The following ADGRL3 variants were observed in gnomAD, a reference collection of about 807,000 sequenced individuals.
The protein encoded by ADGRL3 is adhesion G protein-coupled receptor L3, also known as calcium-independent alpha-latrotoxin receptor 3.
A neutral mutation model predicts 153.5 loss-of-function variants in ADGRL3; 62 were observed. The ratio of observed to expected loss-of-function variants is 0.40; its 90% CI spans 0.33 to 0.50. The LOEUF (loss-of-function observed/expected upper bound fraction) is 0.50, where lower values mean the gene tolerates loss of function less well. Ranked by LOEUF, ADGRL3 falls within the 20% of genes least tolerant of loss-of-function variation. The pLI is 0.47. For synonymous variants in ADGRL3, 710 were observed against 672.5 expected (o/e 1.06, Z -0.86); for missense variants, 1,641 against 1,859.4 (o/e 0.88, Z 2.16).
intron 8 of ADGRL3, among the ~76,000 whole-genome samples, chr4:61,807,389 C>T (rs956248545): frequency 8.0e-5 from 12 of 150,468 alleles, no homozygotes; most frequent in South Asian, 2.1e-4. Flanking sequence ...ATATTTGAGA[C>T]GTCATGGAAT....
At chr4:61,591,483 G>C (rs770582194) in intron 5 of ADGRL3, among the ~76,000 whole-genome samples, 7 of 152,048 alleles carry the variant, frequency 4.6e-5, no homozygotes, top group African/African-American at 9.7e-5. Flanking sequence ...GCTAAAAAAT[G>C]AGTATTTAAA....
chr4:61,768,581 T>G (rs1157286398), intron 8 of ADGRL3, among the ~76,000 whole-genome samples: 1 of 152,082 alleles, frequency 6.6e-6, no homozygotes, highest in Non-Finnish European at 1.5e-5. Flanking sequence ...AAATTGAAAG[T>G]GCCGTTTTCT....
intron 2 of ADGRL3, among the ~76,000 whole-genome samples, chr4:61,444,670 G>C (rs2097562527): frequency 6.6e-6 from 1 of 152,008 alleles, no homozygotes; most frequent in African/African-American, 2.4e-5. Flanking sequence ...AATGTTGGTG[G>C]AATTACTTAT....
At chr4:62,013,816 A>G (rs554460988) in intron 21 of ADGRL3, among the ~76,000 whole-genome samples, 17 of 152,180 alleles carry the variant, frequency 1.1e-4, no homozygotes, top group African/African-American at 3.4e-4. Flanking sequence ...TGAACCCGGA[A>G]AGCGGAGGTT....
In ADGRL3 at chr4:61,585,991, A is replaced by C. The variant is rs1486302064; in HGVS notation, c.260-1236A>C. On this transcript the variant is annotated intron_variant, in intron 4 of 26. Transcript: ENST00000683033. ...CAAGCCATTCACAAATAAAAGCAAT[A>C]CAAAAGGTCAATAAACATATGAAAA... Among the ~76,000 whole-genome samples the C allele has an allele frequency of 2.6e-5, 4 of 152,058 alleles. No individual in the cohort carries two copies. In the East Asian group the frequency reaches 7.7e-4, roughly 29 times the overall value.
intron 1 of ADGRL3, among the ~76,000 whole-genome samples, chr4:61,212,895 T>A (rs750129994): frequency 5.9e-5 from 9 of 152,148 alleles, no homozygotes; most frequent in Non-Finnish European, 1.0e-4. Flanking sequence ...GTATTTCTTT[T>A]TCTGGTGCGT....
chr4:61,726,768 A>G (rs546591680), intron 6 of ADGRL3, among the ~76,000 whole-genome samples: 62 of 152,114 alleles, frequency 4.1e-4, no homozygotes, highest in Admixed American at 4.0e-3. Flanking sequence ...TTTATAAATT[A>G]TTTAATATTT....
chr4:61,865,029 T>C (rs1212855965), intron 9 of ADGRL3, among the ~76,000 whole-genome samples: 2 of 152,220 alleles, frequency 1.3e-5, no homozygotes, highest in Non-Finnish European at 1.5e-5. Flanking sequence ...GGGTAAACTA[T>C]AGAAGCTCTT....
intron 2 of ADGRL3, among the ~76,000 whole-genome samples, chr4:61,440,582 A>G (rs1231075143): frequency 1.3e-5 from 2 of 152,124 alleles, no homozygotes; most frequent in African/African-American, 2.4e-5. Flanking sequence ...GGCTTTTCTT[A>G]AGAACATGAT....
chr4:61,736,155 C>T lies in ADGRL3; in HGVS notation c.1399+2601C>T, dbSNP rs572820566. Among the ~76,000 whole-genome samples, 11 of 151,896 alleles carry T rather than the reference C, an allele frequency of 7.2e-5. No individual in the cohort carries two copies. In the South Asian group the frequency reaches 2.3e-3, roughly 32 times the overall value. On this transcript the variant is annotated intron_variant, in intron 8 of 26. Coordinates refer to ENST00000683033, the MANE Select transcript of ADGRL3 (RefSeq NM_001387552.1). Reference sequence around the variant, plus strand: ...TATATATTCATATAGTCATGTATCCCCCTCCATATGTATGTACATATCCCC... The same window carrying T: ...TATATATTCATATAGTCATGTATCCTCCTCCATATGTATGTACATATCCCC...
intron 9 of ADGRL3, among the ~76,000 whole-genome samples, chr4:61,839,476 A>G (rs1442620898): frequency 6.6e-6 from 1 of 152,078 alleles, no homozygotes; most frequent in Non-Finnish European, 1.5e-5. Context: ...AATTTCAGGA[A>G]TGAGCCACTG....
At chr4:61,641,947 T>C (rs1438829698) in intron 5 of ADGRL3, among the ~76,000 whole-genome samples, 1 of 149,646 alleles carries the variant, frequency 6.7e-6, no homozygotes, top group Non-Finnish European at 1.5e-5. Context: ...CTCCAGCACC[T>C]GTTGTTTCCT....
chr4:61,253,971 A>G (rs1367718851), intron 1 of ADGRL3, among the ~76,000 whole-genome samples: 4 of 152,088 alleles, frequency 2.6e-5, no homozygotes, highest in African/African-American at 7.2e-5. Flanking sequence ...GCCTCCACCT[A>G]TATGATTTTT....
At chr4:61,308,016 T>A (rs1440256627) in intron 1 of ADGRL3, among the ~76,000 whole-genome samples, 1 of 152,190 alleles carries the variant, frequency 6.6e-6, no homozygotes, top group East Asian at 1.9e-4. Context: ...GCCTGCTTAT[T>A]TGTCCAGGAA....
chr4:61,687,626 G>A lies in ADGRL3; in HGVS notation c.583+10691G>A, dbSNP rs999128998. On this transcript the variant is annotated intron_variant, in intron 6 of 26. Coordinates refer to ENST00000683033, the MANE Select transcript of ADGRL3 (RefSeq NM_001387552.1). ...TCATTTATGAATATATTAAACCCAA[G>A]GCAAATCCAGGTCAAATTAGCATTT... Among the ~76,000 whole-genome samples the A allele has an allele frequency of 2.2e-4, 33 of 151,862 alleles. 1 individual carries two copies. Among genetic ancestry groups the A allele is most frequent in the African/African-American group, 7.7e-4 (32 of 41,468 alleles).
chr4:61,432,638 CTTTCTTTCTTTCTTTCTT>C lies in ADGRL3; in HGVS notation c.-174+49453_-174+49470del, dbSNP rs2097380908. 6.3e-4 allele frequency among the ~76,000 whole-genome samples: 15 copies of C among 23,950 alleles called. 3 individuals carry two copies. The highest frequency in any genetic ancestry group is 4.0e-3 in the East Asian group (4 of 992). 15.7% of individuals were successfully genotyped at this position (23,950 alleles called of 152,430 possible). A position where few individuals can be genotyped will look rare whatever the true frequency, so the allele number is the denominator to read the frequency against. Reference sequence around the variant, plus strand: ...TCTTTCTTTCTTTCTTTCTTTCTTTCTTTCTTTCTTTCTTTCTTTTTTTTTTTTTTTTGAGACAGAATT... The same window carrying C: ...TCTTTCTTTCTTTCTTTCTTTCTTTCTTTTTTTTTTTTTTGAGACAGAATT... On this transcript the variant is annotated intron_variant, in intron 2 of 26. Coordinates refer to ENST00000683033, the MANE Select transcript of ADGRL3 (RefSeq NM_001387552.1).
intron 9 of ADGRL3, among the ~76,000 whole-genome samples, chr4:61,825,757 AG>A (rs1210217169): frequency 1.3e-5 from 2 of 152,242 alleles, no homozygotes; most frequent in African/African-American, 4.8e-5. Context: ...AACCAAAAAA[AG>A]ATCTTGAAAA....
chr4:61,370,629 T>C (rs1385335034), intron 1 of ADGRL3, among the ~76,000 whole-genome samples: 1 of 151,960 alleles, frequency 6.6e-6, no homozygotes, highest in East Asian at 1.9e-4. Flanking sequence ...TTACATTTGC[T>C]GAGGAGAGCT....
intron 1 of ADGRL3, among the ~76,000 whole-genome samples, chr4:61,338,717 G>A (rs2095740372): frequency 1.3e-5 from 2 of 152,022 alleles, no homozygotes; most frequent in Non-Finnish European, 2.9e-5. Context: ...TTTACATATT[G>A]TACAGGTAGA....
Sources: gnomAD v4.1 joint callset for allele counts (sites outside exome capture counted in the v4.1 genomes callset) on GRCh38, gnomAD v4.1.1 for gene constraint, MANE v1.5 for transcripts, NCBI Gene and HGNC (gene_info 2026-07-23, HGNC 2026-07-21) for gene names.